Variants in JARID2 observed in about 807,000 individuals in gnomAD.
JARID2 encodes protein Jumonji.
In JARID2, 21 loss-of-function variants were observed where a neutral mutation model predicts 125.6. The ratio of observed to expected loss-of-function variants is 0.17; its 90% CI spans 0.12 to 0.24. JARID2 has a LOEUF of 0.24. Ranked by LOEUF, JARID2 falls within the 10% of genes least tolerant of loss-of-function variation. JARID2 has a pLI of 1.00. For synonymous variants in JARID2, 736 were observed against 661.6 expected, an observed-to-expected ratio of 1.11 and a Z score of -1.73; for missense variants, 1,303 against 1,639.6, an observed-to-expected ratio of 0.79 and a Z score of 3.55.
intron 1 of JARID2, among the ~76,000 whole-genome samples, chr6:15,266,258 C>CTTTTTA (rs1384710800): frequency 4.6e-5 from 7 of 152,266 alleles, no homozygotes; most frequent in Non-Finnish European, 8.8e-5. Flanking sequence ...TTTTAAAGAG[C>CTTTTTA]TTTTTAGCAC....
chr6:15,337,024 A>G (rs1304721520), intron 1 of JARID2, among the ~76,000 whole-genome samples: 2 of 152,184 alleles, frequency 1.3e-5, no homozygotes, highest in Admixed American at 1.3e-4. Context: ...TGTAATGGGA[A>G]AGGTTCCATT....
chr6:15,456,854 A>T (rs1187362450), intron 4 of JARID2, among the ~76,000 whole-genome samples: 1 of 136,476 alleles, frequency 7.3e-6, no homozygotes, highest in Non-Finnish European at 1.6e-5. Flanking sequence ...TTCCATTTTA[A>T]TTTAAGAAAA....
chr6:15,342,140 T>G (rs557116032), intron 1 of JARID2, among the ~76,000 whole-genome samples: 23 of 152,318 alleles, frequency 1.5e-4, no homozygotes, highest in African/African-American at 5.5e-4. Context: ...CGGAGCAGCA[T>G]TGCACATGCT....
chr6:15,312,304 C>T (rs1334827704), intron 1 of JARID2, among the ~76,000 whole-genome samples: 1 of 152,184 alleles, frequency 6.6e-6, no homozygotes, highest in East Asian at 1.9e-4. Context: ...CCACCCGCCT[C>T]GGCCTCCCAA....
At chr6:15,367,085 C>T (rs1221158090) in intron 1 of JARID2, among the ~76,000 whole-genome samples, 3 of 152,086 alleles carry the variant, frequency 2.0e-5, no homozygotes, top group South Asian at 2.1e-4. Flanking sequence ...AGGTATTTCC[C>T]TGTCGTTACT....
chr6:15,391,145 G>GCC lies in JARID2; in HGVS notation c.181+16897_181+16898dup, dbSNP rs60993071. ...TAAGGGACGGTTTTCAAGTTGGTTT[G>GCC]CCCCCTTCTAGGTTCTGAATGCCAA... On this transcript the variant is annotated intron_variant, in intron 2 of 17. Coordinates refer to ENST00000341776, the MANE Select transcript of JARID2 (RefSeq NM_004973.4). 5.9e-5 allele frequency among the ~76,000 whole-genome samples: 9 copies of GCC among 151,888 alleles called. 1 individual carries two copies. The East Asian group carries it at 1.7e-3, about 29-fold the overall frequency.
chr6:15,410,316 A>T lies in JARID2; in HGVS notation c.274A>T (p.Ser92Cys). 2.5e-6 allele frequency: 4 copies of T among 1,614,182 alleles called. No homozygotes were observed. The highest frequency in any genetic ancestry group is 3.4e-6 in the Non-Finnish European group (4 of 1,180,010). Residue 92 changes from serine (S) to cysteine (C), a missense_variant, in exon 3 of 18, where the codon AGC becomes TGC. Ser to Cys is a moderately radical substitution (Grantham distance 112, BLOSUM62 -1). Coordinates refer to ENST00000341776, the MANE Select transcript of JARID2 (RefSeq NM_004973.4). ...KDDASQVSSTSNDVSSSDFEE... is the reference protein window; with the variant it reads ...KDDASQVSSTCNDVSSSDFEE... ...CGATGCATCCCAAGTGTCCTCCACTAGCAACGATGTTAGTTCTTCAGATTT... is the reference window on the plus strand; with the variant it reads ...CGATGCATCCCAAGTGTCCTCCACTTGCAACGATGTTAGTTCTTCAGATTT...
intron 1 of JARID2, among the ~76,000 whole-genome samples, chr6:15,365,508 C>T (rs1479769044): frequency 6.6e-6 from 1 of 152,128 alleles, no homozygotes; most frequent in Non-Finnish European, 1.5e-5. Flanking sequence ...TTGGCAGCTG[C>T]CCAGCAGATT....
intron 4 of JARID2, among the ~76,000 whole-genome samples, chr6:15,462,832 A>G (rs761747357): frequency 2.0e-5 from 3 of 152,252 alleles, no homozygotes. Flanking sequence ...TGATTCATAG[A>G]GAAGAATCCA....
chr6:15,459,362 C>T (rs1215602530), intron 4 of JARID2, among the ~76,000 whole-genome samples: 1 of 152,098 alleles, frequency 6.6e-6, no homozygotes, highest in Non-Finnish European at 1.5e-5. Context: ...ACTTATAATA[C>T]CTAATACAAT....
intron 2 of JARID2, among the ~76,000 whole-genome samples, chr6:15,388,624 TATAAA>T: frequency 6.7e-6 from 1 of 148,984 alleles, no homozygotes; most frequent in African/African-American, 2.4e-5. Flanking sequence ...CAAACTATAA[TATAAA>T]ATATATAAAT....
Position 15,487,504 on chromosome 6 carries a change from C to G in JARID2, c.868C>G (p.Pro290Ala), listed in dbSNP as rs201789074. ...GGGGCTTGCTGCCACCCATCACCAC[C>G]CCCCTCTGCATCGGTCGGCTCAGGA... is the stretch of plus-strand genomic sequence containing the variant. ...AKGLAATHHH[P>A]PLHRSAQDLR... Residue 290 changes from proline to alanine, a missense_variant, in exon 6 of 18, where the codon CCC (proline) becomes GCC (alanine). Physicochemically the swap from Pro to Ala is conservative, Grantham distance 27. Around this residue, in one of 11 missense-constraint regions of JARID2, gnomAD observed 651 missense variants for 581.6 expected, o/e 1.12. Transcript: ENST00000341776. 1.2e-6 allele frequency: 2 copies of G among 1,613,928 alleles called. No homozygotes were observed. The highest frequency in any genetic ancestry group is 2.2e-5 in the South Asian group (2 of 91,036).
intron 1 of JARID2, among the ~76,000 whole-genome samples, chr6:15,256,519 C>A (rs930841007): frequency 2.6e-5 from 4 of 152,180 alleles, no homozygotes; most frequent in African/African-American, 9.7e-5. Flanking sequence ...GCTCTCTGGT[C>A]CTCAGGATCG....
intron 1 of JARID2, among the ~76,000 whole-genome samples, chr6:15,292,893 T>C (rs1053301986): frequency 1.3e-5 from 2 of 152,190 alleles, no homozygotes; most frequent in Non-Finnish European, 2.9e-5. Context: ...GGTATTGAAC[T>C]CTTGGCCTCA....
At chr6:15,300,763 G>T (rs981364095) in intron 1 of JARID2, among the ~76,000 whole-genome samples, 3 of 150,754 alleles carry the variant, frequency 2.0e-5, no homozygotes, top group African/African-American at 7.3e-5. Flanking sequence ...GAGAGGAGGG[G>T]TGGAGAAAGG....
At chr6:15,461,980 C>T (rs1484871388) in intron 4 of JARID2, among the ~76,000 whole-genome samples, 1 of 151,778 alleles carries the variant, frequency 6.6e-6, no homozygotes, top group Non-Finnish European at 1.5e-5. Flanking sequence ...AATAGGGATT[C>T]CCTTTGTGTT....
intron 1 of JARID2, among the ~76,000 whole-genome samples, chr6:15,336,950 G>A (rs1434034405): frequency 6.6e-6 from 1 of 152,148 alleles, no homozygotes; most frequent in Non-Finnish European, 1.5e-5. Flanking sequence ...TTAGTATTCA[G>A]AGTGTAGTTC....
chr6:15,475,618 C>T (rs1036529485), intron 5 of JARID2, among the ~76,000 whole-genome samples: 2 of 152,232 alleles, frequency 1.3e-5, no homozygotes, highest in African/African-American at 4.8e-5. Flanking sequence ...AGCTGTGATG[C>T]TCTGCCCTTA....
At chr6:15,488,708 A>G (rs1404900616) in intron 6 of JARID2, among the ~76,000 whole-genome samples, 2 of 152,206 alleles carry the variant, frequency 1.3e-5, no homozygotes, top group African/African-American at 4.8e-5. Context: ...ACAGGTATGT[A>G]TGCATGCACA....
Sources: allele counts gnomAD v4.1 joint callset (sites outside exome capture counted in the v4.1 genomes callset), GRCh38; gene constraint gnomAD v4.1.1; regional missense constraint gnomAD v4.1.1; transcripts MANE v1.5; gene names NCBI Gene and HGNC (gene_info 2026-07-23, HGNC 2026-07-21).